Variants in SBF2 observed in about 807,000 individuals in gnomAD.
SBF2 encodes myotubularin-related protein 13.
A neutral mutation model predicts 225.2 loss-of-function variants in SBF2; 112 were observed. The observed-to-expected ratio is 0.50, with a 90% CI of 0.43 to 0.58. The LOEUF (loss-of-function observed/expected upper bound fraction) is 0.58, where lower values mean the gene tolerates loss of function less well. Ranked by LOEUF, SBF2 falls within the 20% of genes least tolerant of loss-of-function variation. SBF2 has a pLI of 0.00. For synonymous variants in SBF2, 763 were observed against 773.3 expected (o/e 0.99, Z 0.22); for missense variants, 1,996 against 2,206.2 (o/e 0.90, Z 1.91).
intron 1 of SBF2, among the ~76,000 whole-genome samples, chr11:10,234,503 A>G (rs1234036584): frequency 6.6e-6 from 1 of 152,138 alleles, no homozygotes; most frequent in Non-Finnish European, 1.5e-5. Flanking sequence ...GAGTGGCCCA[A>G]TTTGTACCTT....
Position 9,845,712 on chromosome 11 carries a change from ACTT to A in SBF2, c.2960_2962del (p.Glu987del). 1.2e-6 allele frequency: 2 copies of A among 1,613,926 alleles called. No individual in the cohort carries two copies. The highest frequency in any genetic ancestry group is 1.7e-6 in the Non-Finnish European group (2 of 1,179,812). ...AAAGATCTCTACTACTTCTGGACTG[ACTT>A]CTTCATCAAATGCTACCTTAATCAA... On this transcript the variant is annotated inframe_deletion, in exon 24 of 40. Transcript: ENST00000256190.
At chr11:10,068,113 T>C (rs1950702780) in intron 2 of SBF2, among the ~76,000 whole-genome samples, 1 of 152,242 alleles carries the variant, frequency 6.6e-6, no homozygotes, top group African/African-American at 2.4e-5. Flanking sequence ...AAATTCTCCC[T>C]GCAAATTGGA....
intron 28 of SBF2, among the ~76,000 whole-genome samples, chr11:9,820,932 A>G (rs1371787438): frequency 6.6e-6 from 1 of 152,228 alleles, no homozygotes; most frequent in Non-Finnish European, 1.5e-5. Context: ...AGCTACTGGT[A>G]TGTTCACTTT....
intron 1 of SBF2, among the ~76,000 whole-genome samples, chr11:10,217,731 T>A (rs1448539121): frequency 6.6e-6 from 1 of 152,130 alleles, no homozygotes; most frequent in Non-Finnish European, 1.5e-5. Context: ...TTTATAATAA[T>A]CTGTGAAGGA....
chr11:10,006,088 C>T (rs540749362), intron 6 of SBF2, among the ~76,000 whole-genome samples: 1 of 152,166 alleles, frequency 6.6e-6, no homozygotes, highest in African/African-American at 2.4e-5. Flanking sequence ...TGGCTCTTTT[C>T]CAAAAACCCA....
chr11:9,869,341 C>A (rs147861988), intron 17 of SBF2, among the ~76,000 whole-genome samples: 3 of 151,852 alleles, frequency 2.0e-5, no homozygotes. Flanking sequence ...TTTTTGGAGA[C>A]AGAGTCTTGC....
chr11:9,936,848 G>A (rs1197172277), intron 16 of SBF2, among the ~76,000 whole-genome samples: 5 of 152,180 alleles, frequency 3.3e-5, no homozygotes, highest in Non-Finnish European at 7.3e-5. Flanking sequence ...AATACCTAAT[G>A]TAAATGACAA....
chr11:10,293,696 A>C (rs953892080), intron 1 of SBF2, among the ~76,000 whole-genome samples: 1 of 152,104 alleles, frequency 6.6e-6, no homozygotes, highest in Non-Finnish European at 1.5e-5. Flanking sequence ...GCCCAATCTC[A>C]GGGCTCTCTC....
intron 2 of SBF2, among the ~76,000 whole-genome samples, chr11:10,138,044 G>T (rs961050130): frequency 6.7e-6 from 1 of 150,258 alleles, no homozygotes; most frequent in Admixed American, 6.6e-5. Flanking sequence ...TATTTTTTTG[G>T]AACCAATTGT....
At chr11:10,009,230 G>A (rs902044795) in intron 6 of SBF2, among the ~76,000 whole-genome samples, 13 of 151,912 alleles carry the variant, frequency 8.6e-5, no homozygotes, top group South Asian at 4.2e-4. Context: ...ATGTTACAAC[G>A]GCAAAACAGT....
At chr11:10,107,584 G>A (rs1474008976) in intron 2 of SBF2, among the ~76,000 whole-genome samples, 1 of 152,090 alleles carries the variant, frequency 6.6e-6, no homozygotes, top group Admixed American at 6.5e-5. Context: ...TGGCAGGATT[G>A]GTTCATTCTG....
chr11:9,912,995 G>C (rs1862767932), intron 16 of SBF2, among the ~76,000 whole-genome samples: 1 of 152,148 alleles, frequency 6.6e-6, no homozygotes, highest in African/African-American at 2.4e-5. Flanking sequence ...CTTCAAAAAA[G>C]AGAAAACCGT....
intron 8 of SBF2, among the ~76,000 whole-genome samples, chr11:10,000,246 T>A (rs1947901174): frequency 6.6e-6 from 1 of 152,222 alleles, no homozygotes; most frequent in Non-Finnish European, 1.5e-5. Context: ...ATACTTACTT[T>A]TACCTATCAA....
chr11:10,057,812 C>A (rs1950303990), intron 2 of SBF2, among the ~76,000 whole-genome samples: 1 of 152,114 alleles, frequency 6.6e-6, no homozygotes, highest in South Asian at 2.1e-4. Flanking sequence ...CATAGGGAAG[C>A]CACACAACCA....
At chr11:10,240,245 T>C (rs1297766704) in intron 1 of SBF2, among the ~76,000 whole-genome samples, 1 of 132,666 alleles carries the variant, frequency 7.5e-6, no homozygotes, top group South Asian at 2.4e-4. Flanking sequence ...GAGATATGCA[T>C]ACAATTAAAA....
chr11:10,250,504 T>A (rs1370995178), intron 1 of SBF2, among the ~76,000 whole-genome samples: 1 of 152,142 alleles, frequency 6.6e-6, no homozygotes, highest in Non-Finnish European at 1.5e-5. Context: ...ATTGTGAAAA[T>A]TAGTTTAAAA....
chr11:9,862,061 T>C (rs890393072), intron 17 of SBF2, among the ~76,000 whole-genome samples: 3 of 152,204 alleles, frequency 2.0e-5, no homozygotes, highest in African/African-American at 7.2e-5. Context: ...CAAACGGCTA[T>C]GGCATCTGTG....
At chr11:9,838,547 G>GC (rs1329447967) in intron 26 of SBF2, 2 of 152,086 alleles carry the variant, frequency 1.3e-5, no homozygotes, top group Non-Finnish European at 2.9e-5. Context: ...TGTTTATTTG[G>GC]CCACAATCTC....
chr11:9,786,070 G>A (rs1287391366), intron 36 of SBF2, among the ~76,000 whole-genome samples: 1 of 152,024 alleles, frequency 6.6e-6, no homozygotes, highest in Non-Finnish European at 1.5e-5. Context: ...GTTTCACCAT[G>A]CTGGCTATGC....
Sources: gnomAD v4.1 joint callset for allele counts (sites outside exome capture counted in the v4.1 genomes callset) on GRCh38, gnomAD v4.1.1 for gene constraint, MANE v1.5 for transcripts, NCBI Gene and HGNC (gene_info 2026-07-23, HGNC 2026-07-21) for gene names.